LPXN: variants seen among roughly 807,000 people sequenced by gnomAD.
LPXN encodes the protein leupaxin.
Under a neutral mutation model 45.6 loss-of-function variants are expected in LPXN, and 28 were observed. The observed-to-expected ratio is 0.61, with a 90% CI of 0.45 to 0.84. LPXN has a LOEUF of 0.84. LPXN is among the 40% of genes least tolerant of loss of function. LPXN has a pLI of 0.00. For missense variants in LPXN, 459 were observed against 475.0 expected, an observed-to-expected ratio of 0.97 and a Z score of 0.31; for synonymous variants, 166 against 169.9, an observed-to-expected ratio of 0.98 and a Z score of 0.18.
chr11:58,528,249 G>C, intron 7 of LPXN, 58 bp from the exon 8 acceptor site: 1 of 1,536,658 alleles, frequency 6.5e-7, no homozygotes. Flanking sequence ...AGCTACACTG[G>C]AGACTGAGAG....
At chr11:58,549,715 C>T in intron 7 of LPXN, 71 bp downstream of exon 7, 1 of 1,348,694 alleles carries the variant, frequency 7.4e-7, no homozygotes, top group East Asian at 2.4e-5. Flanking sequence ...CCGTGACTAC[C>T]AGGAAAGGTG....
intron 7 of LPXN, among the ~76,000 whole-genome samples, chr11:58,544,473 T>G (rs1211292256): frequency 1.3e-5 from 2 of 152,166 alleles, no homozygotes; most frequent in African/African-American, 4.8e-5. Flanking sequence ...CTGTAAGACA[T>G]GCCAACTATC....
At chr11:58,574,999 A>C (rs971248922) in intron 1 of LPXN, among the ~76,000 whole-genome samples, 3 of 152,232 alleles carry the variant, frequency 2.0e-5, no homozygotes, top group African/African-American at 4.8e-5. Flanking sequence ...GTGTTAGTTA[A>C]GATGCTGGCA....
chr11:58,536,396 C>T (rs1341270303), intron 7 of LPXN, among the ~76,000 whole-genome samples: 2 of 152,178 alleles, frequency 1.3e-5, no homozygotes, highest in Non-Finnish European at 2.9e-5. Context: ...TTGACAAAAA[C>T]AAGCAACAGG....
At chr11:58,561,324 C>T (rs1354746708) in intron 3 of LPXN, among the ~76,000 whole-genome samples, 4 of 152,034 alleles carry the variant, frequency 2.6e-5, no homozygotes, top group Non-Finnish European at 4.4e-5. Context: ...CTTTTGGATA[C>T]GACATATCTC....
chr11:58,535,079 T>G (rs1255995355), intron 7 of LPXN, among the ~76,000 whole-genome samples: 1 of 152,158 alleles, frequency 6.6e-6, no homozygotes, highest in Non-Finnish European at 1.5e-5. Flanking sequence ...ACAGCAGAAT[T>G]CTACCAGAGG....
chr11:58,578,135 C>A, upstream of LPXN: 1 of 1,475,570 alleles, frequency 6.8e-7, no homozygotes. Context: ...GAGAAAGGTA[C>A]GCCAACGCCC....
At chr11:58,541,701 A>G (rs1454358326) in intron 7 of LPXN, among the ~76,000 whole-genome samples, 1 of 150,260 alleles carries the variant, frequency 6.7e-6, no homozygotes, top group Non-Finnish European at 1.5e-5. Flanking sequence ...TATATACCCA[A>G]AGGACTACAA....
At chr11:58,546,646 G>A (rs1460932062) in intron 7 of LPXN, among the ~76,000 whole-genome samples, 1 of 152,140 alleles carries the variant, frequency 6.6e-6, no homozygotes, top group Non-Finnish European at 1.5e-5. Context: ...GTACCATATA[G>A]TCAAGTCTAC....
chr11:58,568,623 T>C (rs1051184981), intron 2 of LPXN, among the ~76,000 whole-genome samples: 3 of 150,688 alleles, frequency 2.0e-5, no homozygotes, highest in African/African-American at 7.3e-5. Context: ...AAAAGAGCAC[T>C]GTTCACTGAA....
chr11:58,541,966 C>T (rs1317755705), intron 7 of LPXN, among the ~76,000 whole-genome samples: 1 of 151,404 alleles, frequency 6.6e-6, no homozygotes, highest in Non-Finnish European at 1.5e-5. Flanking sequence ...CGCATGTTCT[C>T]ACTCATAGAT....
intron 3 of LPXN, among the ~76,000 whole-genome samples, chr11:58,559,616 C>G (rs974442368): frequency 2.6e-5 from 4 of 152,152 alleles, no homozygotes; most frequent in African/African-American, 9.7e-5. Flanking sequence ...TCACTCATGC[C>G]TGTAATCCTA....
At chr11:58,552,961 T>C (rs1242303797) in intron 4 of LPXN, among the ~76,000 whole-genome samples, 2 of 152,142 alleles carry the variant, frequency 1.3e-5, no homozygotes, top group Non-Finnish European at 2.9e-5. Flanking sequence ...ATGGCTAGGG[T>C]GCAGAGCTGA....
At chr11:58,577,353 A>G (rs144125848), upstream of LPXN, among the ~76,000 whole-genome samples, 290 of 152,354 alleles carry the variant, frequency 1.9e-3, 2 homozygotes, top group African/African-American at 6.7e-3. Context: ...CATTTGTCTA[A>G]TATGAAGTGG....
At chr11:58,569,262 C>T (rs145721729) in intron 2 of LPXN, among the ~76,000 whole-genome samples, 1 of 152,284 alleles carries the variant, frequency 6.6e-6, no homozygotes, top group African/African-American at 2.4e-5. Flanking sequence ...TCTCATCAAG[C>T]AACCTTTTAA....
intron 1 of LPXN, among the ~76,000 whole-genome samples, chr11:58,573,476 C>T (rs921818068): frequency 6.6e-6 from 1 of 152,124 alleles, no homozygotes; most frequent in Admixed American, 6.5e-5. Flanking sequence ...AAATAAAAAG[C>T]CATTTACAAT....
At chr11:58,542,480 C>A (rs1475808647) in intron 7 of LPXN, among the ~76,000 whole-genome samples, 7 of 151,008 alleles carry the variant, frequency 4.6e-5, no homozygotes, top group African/African-American at 1.7e-4. Flanking sequence ...ACATCTAAGT[C>A]CTAGGAATTA....
chr11:58,567,174 A>G lies in LPXN; in HGVS notation c.172-2973T>C, dbSNP rs181187443. On this transcript the variant is annotated intron_variant, in intron 2 of 8. Coordinates refer to ENST00000395074, the MANE Select transcript of LPXN (RefSeq NM_004811.3). ...CTGCTTCATAGCTTGTTAACTTGGT[A>G]AGAACATTTTTAACACAATGCTGTG... Among the ~76,000 whole-genome samples the G allele has an allele frequency of 6.7e-4, 102 of 152,330 alleles. 1 individual carries two copies. In the East Asian group the frequency reaches 0.013, roughly 19 times the overall value.
intron 3 of LPXN, among the ~76,000 whole-genome samples, chr11:58,562,622 G>A (rs1854411494): frequency 6.6e-6 from 1 of 152,102 alleles, no homozygotes; most frequent in Admixed American, 6.6e-5. Flanking sequence ...CAAAACAGAA[G>A]ACACTGAATA....
Sources: gnomAD v4.1 joint callset for allele counts (sites outside exome capture counted in the v4.1 genomes callset) on GRCh38, gnomAD v4.1.1 for gene constraint, MANE v1.5 for transcripts, NCBI Gene and HGNC (gene_info 2026-07-23, HGNC 2026-07-21) for gene names.